HS3ST3B1: variants seen among roughly 807,000 people sequenced by gnomAD.
HS3ST3B1 encodes the protein heparan sulfate-glucosamine 3-sulfotransferase 3B1.
Under a neutral mutation model 21.3 loss-of-function variants are expected in HS3ST3B1, and 13 were observed. The ratio of observed to expected loss-of-function variants is 0.61; its 90% confidence interval spans 0.40 to 0.97. The LOEUF is 0.97. Ranked by LOEUF, HS3ST3B1 falls within the 50% of genes least tolerant of loss-of-function variation. The probability of loss-of-function intolerance (pLI) is 0.00; values close to 1 mark genes in which losing one functional copy is unlikely to be tolerated. For synonymous variants in HS3ST3B1, 234 were observed against 254.8 expected, an observed-to-expected ratio of 0.92 and a Z score of 0.78; for missense variants, 459 against 554.8, an observed-to-expected ratio of 0.83 and a Z score of 1.73.
chr17:14,303,008 G>A lies in HS3ST3B1; in HGVS notation c.554+936G>A, dbSNP rs1567634510. Among the ~76,000 whole-genome samples the A allele has an allele frequency of 6.6e-6, 1 of 152,184 alleles. No individual in the cohort carries two copies. Among genetic ancestry groups the A allele is most frequent in the Non-Finnish European group, 1.5e-5 (1 of 68,032 alleles). On this transcript the variant is annotated intron_variant, in intron 1 of 1. Transcript: ENST00000360954. This position sits in a 1 kb window ranked among gnomAD's most constrained non-coding sequence, Gnocchi z 5.7. ...CGGGTCAGGTTCCAAAGGGACAGTGGCCCCGGGGTCACAATCACTACCTCT... is the reference window on the plus strand; with the variant it reads ...CGGGTCAGGTTCCAAAGGGACAGTGACCCCGGGGTCACAATCACTACCTCT...
chr17:14,334,944 G>T (rs1275829857), intron 1 of HS3ST3B1, among the ~76,000 whole-genome samples: 1 of 150,774 alleles, frequency 6.6e-6, no homozygotes, highest in African/African-American at 2.4e-5. Flanking sequence ...TAGATGCTGG[G>T]AACATGTTTT....
At chr17:14,310,810 G>C (rs4792467) in intron 1 of HS3ST3B1, among the ~76,000 whole-genome samples, 95,451 of 151,900 alleles carry the variant, frequency 0.63, 30,825 homozygotes, top group South Asian at 0.7. Flanking sequence ...CAGTCTGCCT[G>C]CGGGCACTTA....
At chr17:14,302,938 C>T (rs570001962) in intron 1 of HS3ST3B1, among the ~76,000 whole-genome samples, 1 of 152,298 alleles carries the variant, frequency 6.6e-6, no homozygotes, top group African/African-American at 2.4e-5. Flanking sequence ...ATGAGGGTTG[C>T]TTCGAGGTCG....
chr17:14,303,551 G>C lies in HS3ST3B1; in HGVS notation c.554+1479G>C, dbSNP rs775370257. On this transcript the variant is annotated intron_variant, in intron 1 of 1. Transcript: ENST00000360954. The surrounding 1 kb of genome is among the most constrained non-coding windows in gnomAD (Gnocchi z 5.7). ...GGTGGATAAGAATGGGGTCTCTGGAGTCCGACGCCTGGATTCACGTCCTGG... is the reference window on the plus strand; with the variant it reads ...GGTGGATAAGAATGGGGTCTCTGGACTCCGACGCCTGGATTCACGTCCTGG... Among the ~76,000 whole-genome samples, 3 of 152,198 alleles carry C rather than the reference G, an allele frequency of 2.0e-5. No homozygotes were observed. The highest frequency in any genetic ancestry group is 4.4e-5 in the Non-Finnish European group (3 of 68,042).
chr17:14,307,820 A>G (rs1448556566), intron 1 of HS3ST3B1, among the ~76,000 whole-genome samples: 1 of 152,210 alleles, frequency 6.6e-6, no homozygotes, highest in African/African-American at 2.4e-5. Flanking sequence ...TTTTGCTGTG[A>G]ATAGAGTTAG....
rs1387290260 is a variant in HS3ST3B1 at position 14,349,072 on chromosome 17, T to C, written c.*3426T>C. The C allele has an allele frequency of 1.3e-5, 2 of 152,200 alleles. No homozygotes were observed. Among genetic ancestry groups the C allele is most frequent in the East Asian group, 1.9e-4 (1 of 5,198 alleles). 9.4% of individuals were successfully genotyped at this position (152,200 alleles called of 1,614,324 possible). On this transcript the variant is annotated 3_prime_UTR_variant, in exon 2 of 2. Coordinates refer to ENST00000360954, the MANE Select transcript of HS3ST3B1 (RefSeq NM_006041.3). ...AACTAGAAACAGTACGTATCTAAGA[T>C]GCTGACACAGAAGCTAATGTGACTT...
At chr17:14,329,474 GAAAA>G (rs1909932005) in intron 1 of HS3ST3B1, 2 of 138,838 alleles carry the variant, frequency 1.4e-5, no homozygotes, top group Non-Finnish European at 3.2e-5. Flanking sequence ...GAGAAAGAAA[GAAAA>G]AGAAAGAAGA....
intron 1 of HS3ST3B1, among the ~76,000 whole-genome samples, chr17:14,330,614 A>G (rs887418146): frequency 6.7e-6 from 1 of 149,232 alleles, no homozygotes; most frequent in Non-Finnish European, 1.5e-5. Flanking sequence ...AGTGATTTTC[A>G]TCAACTCTGT....
rs1402563952 is a variant in HS3ST3B1 at position 14,302,004 on chromosome 17, C to A, written c.486C>A (p.Asp162Glu). The change falls in exon 1 of 2, where the codon GAC (aspartate) becomes GAA (glutamate). Residue 162 changes from aspartate (D) to glutamate (E), a missense_variant. By Grantham distance (45) the Asp-to-Glu change is conservative (BLOSUM62 2). Coordinates refer to ENST00000360954, the MANE Select transcript of HS3ST3B1 (RefSeq NM_006041.3). ...ALLEFLRVHP[D>E]VRAVGAEPHF... ...TGGAGTTTCTGCGCGTGCACCCCGACGTGCGCGCCGTGGGCGCCGAGCCCC... is the reference window on the plus strand; with the variant it reads ...TGGAGTTTCTGCGCGTGCACCCCGAAGTGCGCGCCGTGGGCGCCGAGCCCC... 1.9e-6 allele frequency: 3 copies of A among 1,609,196 alleles called. No individual in the cohort carries two copies. The highest frequency in any genetic ancestry group is 2.5e-6 in the Non-Finnish European group (3 of 1,179,116).
chr17:14,344,221 C>T (rs56024257), intron 1 of HS3ST3B1, among the ~76,000 whole-genome samples: 8,592 of 152,142 alleles, frequency 0.056, 279 homozygotes, highest in East Asian at 0.12. Flanking sequence ...TTATTATTAT[C>T]GTTGTTGTTG....
At chr17:14,342,142 G>T (rs1270182104) in intron 1 of HS3ST3B1, among the ~76,000 whole-genome samples, 2 of 152,174 alleles carry the variant, frequency 1.3e-5, no homozygotes, top group Admixed American at 1.3e-4. Flanking sequence ...TTTCCGTATC[G>T]GTGCTAGATA....
At chr17:14,331,811 ATTAT>A (rs1910022790) in intron 1 of HS3ST3B1, among the ~76,000 whole-genome samples, 1 of 152,112 alleles carries the variant, frequency 6.6e-6, no homozygotes, top group Admixed American at 6.5e-5. Flanking sequence ...AATGGAGATA[ATTAT>A]TTATGGAGAT....
At position 14,301,732 on chromosome 17, in the gene HS3ST3B1, C is replaced by G. The variant is rs545414325; in HGVS notation, c.214C>G (p.His72Asp). Residue 72 changes from histidine (H) to aspartate (D), a missense_variant, in exon 1 of 2, where the codon CAC becomes GAC. By Grantham distance (81) the His-to-Asp change is moderately conservative. This residue lies in a region of HS3ST3B1 where 317 missense variants were observed against 278.6 expected (regional missense o/e 1.14). Coordinates refer to ENST00000360954, the MANE Select transcript of HS3ST3B1 (RefSeq NM_006041.3). The stretch of plus-strand genomic sequence containing the variant: ...CCTGGGCTCTGGGTCCCGCGCCGCA[C>G]ACGACCCGCCAGCCCTGGCCACAGC... ...LLLGSGSRAA[H>D]DPPALATAPD... 1 of 1,597,764 alleles carries G rather than the reference C, an allele frequency of 6.3e-7. No individual in the cohort carries two copies. The highest frequency in any genetic ancestry group is 1.1e-5 in the South Asian group (1 of 90,152).
At position 14,347,733 on chromosome 17, in the gene HS3ST3B1, G is replaced by T. The variant is rs1206742534; in HGVS notation, c.*2087G>T. ...TACACTTAGCAGCCAAACCATCATT[G>T]TGTAGGTTCTGTTTTGGAGGAAGCT... On this transcript the variant is annotated 3_prime_UTR_variant, in exon 2 of 2. Transcript: ENST00000360954. The T allele has an allele frequency of 6.6e-6, 1 of 152,184 alleles. No individual in the cohort carries two copies. Among genetic ancestry groups the T allele is most frequent in the Non-Finnish European group, 1.5e-5 (1 of 68,036 alleles). The allele number at this position is 152,184 out of a possible 1,614,324, so 9.4% of individuals were successfully genotyped here. A position where few individuals can be genotyped will look rare whatever the true frequency, so the allele number is the denominator to read the frequency against.
chr17:14,307,298 T>C (rs968391557), intron 1 of HS3ST3B1, among the ~76,000 whole-genome samples: 2 of 152,158 alleles, frequency 1.3e-5, no homozygotes, highest in South Asian at 2.1e-4. Context: ...AAATTTACAA[T>C]TTAGCATAGA....
At chr17:14,318,331 C>T (rs139277264) in intron 1 of HS3ST3B1, among the ~76,000 whole-genome samples, 18 of 152,250 alleles carry the variant, frequency 1.2e-4, no homozygotes, top group African/African-American at 2.2e-4. Context: ...TGTCAGCAGG[C>T]GCAGCGGGAG....
chr17:14,328,181 A>G (rs1021343624), intron 1 of HS3ST3B1: 3 of 152,234 alleles, frequency 2.0e-5, no homozygotes, highest in African/African-American at 7.2e-5. Flanking sequence ...ATAGAATGTA[A>G]CAAATAATCA....
chr17:14,304,822 T>C (rs147856134), intron 1 of HS3ST3B1: 44 of 152,274 alleles, frequency 2.9e-4, no homozygotes, highest in African/African-American at 1.1e-3. Context: ...TTGAAGGCAT[T>C]AAGAACAAAA....
At chr17:14,313,134 G>GCA (rs1567637251) in intron 1 of HS3ST3B1, among the ~76,000 whole-genome samples, 3 of 108,926 alleles carry the variant, frequency 2.8e-5, no homozygotes, top group East Asian at 3.3e-4. Flanking sequence ...GTGTGTGTGT[G>GCA]TATATATATA....
Sources: gnomAD v4.1 joint callset for allele counts (sites outside exome capture counted in the v4.1 genomes callset) on GRCh38, gnomAD v4.1.1 for gene constraint, gnomAD v4.1.1 regional missense constraint, Gnocchi (gnomAD v3.1) non-coding constraint, MANE v1.5 for transcripts, NCBI Gene and HGNC (gene_info 2026-07-23, HGNC 2026-07-21) for gene names.